SYT16: variants seen among roughly 807,000 people sequenced by gnomAD.
SYT16 encodes the protein synaptotagmin-16.
Under a neutral mutation model 61.4 loss-of-function variants are expected in SYT16, and 42 were observed. The observed-to-expected ratio is 0.68, with a 90% CI of 0.53 to 0.89. The LOEUF (loss-of-function observed/expected upper bound fraction) is 0.89, where lower values mean the gene tolerates loss of function less well. SYT16 is among the 40% of genes least tolerant of loss of function. SYT16 has a pLI of 0.00. For missense variants in SYT16, 804 were observed against 807.3 expected, an observed-to-expected ratio of 1.00 and a Z score of 0.05; for synonymous variants, 314 against 302.3, an observed-to-expected ratio of 1.04 and a Z score of -0.40.
intron 1 of SYT16, among the ~76,000 whole-genome samples, chr14:61,836,298 G>A (rs546902382): frequency 1.4e-4 from 21 of 152,182 alleles, no homozygotes; most frequent in South Asian, 6.2e-4. Context: ...CTTTACTGCC[G>A]GTGGCTGCTC....
At chr14:62,078,837 G>A (rs150735797) in intron 5 of SYT16, among the ~76,000 whole-genome samples, 2 of 152,310 alleles carry the variant, frequency 1.3e-5, no homozygotes, top group African/African-American at 4.8e-5. Context: ...TATATTGTGT[G>A]GGTAGAAGGT....
At chr14:61,979,554 C>G (rs529623809) in intron 2 of SYT16, among the ~76,000 whole-genome samples, 1 of 152,184 alleles carries the variant, frequency 6.6e-6, no homozygotes, top group South Asian at 2.1e-4. Context: ...AAAAAGAGTA[C>G]ATATTCCCCT....
chr14:61,945,651 C>T (rs1355736486), intron 1 of SYT16, among the ~76,000 whole-genome samples: 4 of 151,814 alleles, frequency 2.6e-5, no homozygotes, highest in Admixed American at 6.6e-5. Flanking sequence ...GTCAGGAGAT[C>T]GAGACCATCC....
intron 1 of SYT16, among the ~76,000 whole-genome samples, chr14:61,826,643 C>T (rs1173488449): frequency 2.6e-5 from 4 of 151,940 alleles, no homozygotes; most frequent in Admixed American, 1.3e-4. Context: ...ACGAGGGATG[C>T]GAGGTTTCCA....
chr14:61,854,780 G>T (rs1474119578), intron 1 of SYT16, among the ~76,000 whole-genome samples: 1 of 152,126 alleles, frequency 6.6e-6, no homozygotes, highest in African/African-American at 2.4e-5. Flanking sequence ...ATATGGAGCA[G>T]CAGTTTTTTG....
At chr14:61,850,796 A>T (rs985322172) in intron 1 of SYT16, among the ~76,000 whole-genome samples, 2 of 152,332 alleles carry the variant, frequency 1.3e-5, no homozygotes, top group African/African-American at 4.8e-5. Flanking sequence ...TTTGAGGCCA[A>T]CATTATATTT....
intron 1 of SYT16, among the ~76,000 whole-genome samples, chr14:61,943,711 T>G (rs2140456485): frequency 6.6e-6 from 1 of 152,224 alleles, no homozygotes; most frequent in South Asian, 2.1e-4. Flanking sequence ...CTCGATAAAT[T>G]AGGCATTGAT....
At chr14:61,982,720 G>A (rs1483439993) in intron 2 of SYT16, among the ~76,000 whole-genome samples, 1 of 152,148 alleles carries the variant, frequency 6.6e-6, no homozygotes, top group African/African-American at 2.4e-5. Context: ...TACTTTATGG[G>A]AAGTTTTGAA....
rs554469957 is a variant in SYT16, at chr14:62,108,964, C to T, written c.*8257C>T. On this transcript the variant is annotated 3_prime_UTR_variant, in exon 8 of 8. Transcript: ENST00000683842. Reference sequence around the variant, plus strand: ...ATATACTCCAAACACAACCTTCTTCCCCGTGAACATTTTGAACACCACAGT... The same window carrying T: ...ATATACTCCAAACACAACCTTCTTCTCCGTGAACATTTTGAACACCACAGT... 6.6e-6 allele frequency: 1 copy of T among 152,222 alleles called. No individual in the cohort carries two copies. Among genetic ancestry groups the T allele is most frequent in the African/African-American group, 2.4e-5 (1 of 41,540 alleles). The allele number at this position is 152,222 out of a possible 1,614,324, so 9.4% of individuals were successfully genotyped here. A position where few individuals can be genotyped will look rare whatever the true frequency, so the allele number is the denominator to read the frequency against.
intron 1 of SYT16, among the ~76,000 whole-genome samples, chr14:61,945,122 A>G (rs1433751180): frequency 1.3e-5 from 2 of 152,262 alleles, no homozygotes; most frequent in African/African-American, 4.8e-5. Flanking sequence ...TGGTCAGCAG[A>G]CATATGAAAG....
At chr14:61,919,788 T>C (rs1398350382) in intron 1 of SYT16, among the ~76,000 whole-genome samples, 2 of 152,296 alleles carry the variant, frequency 1.3e-5, no homozygotes, top group African/African-American at 4.8e-5. Flanking sequence ...GATTAGGACA[T>C]AGACATATGA....
chr14:61,895,236 T>G (rs930779412), intron 1 of SYT16, among the ~76,000 whole-genome samples: 3 of 152,190 alleles, frequency 2.0e-5, no homozygotes, highest in Non-Finnish European at 4.4e-5. Context: ...CATCCTTATC[T>G]CTTTTGTTTA....
At chr14:61,992,142 A>C (rs956170004) in intron 2 of SYT16, among the ~76,000 whole-genome samples, 1 of 152,130 alleles carries the variant, frequency 6.6e-6, no homozygotes, top group Non-Finnish European at 1.5e-5. Flanking sequence ...AGGCACATTC[A>C]AAACACTCTG....
At chr14:61,984,322 G>A (rs1212253396) in intron 2 of SYT16, among the ~76,000 whole-genome samples, 1 of 152,054 alleles carries the variant, frequency 6.6e-6, no homozygotes, top group Non-Finnish European at 1.5e-5. Flanking sequence ...ACATTTTAGG[G>A]CAAGAATTCC....
intron 3 of SYT16, among the ~76,000 whole-genome samples, chr14:62,066,764 C>G (rs61339328): frequency 0.075 from 11,356 of 152,242 alleles, 651 homozygotes; most frequent in African/African-American, 0.16. Flanking sequence ...ACAGAGTATT[C>G]TGCTTTGTGC....
chr14:61,831,932 C>T lies in SYT16; in HGVS notation c.-325+19122C>T, dbSNP rs746800476. 5 of 529,132 alleles carry T rather than the reference C, an allele frequency of 9.4e-6. No homozygotes were observed. In the Admixed American group the frequency reaches 1.3e-4, roughly 14 times the overall value. The allele number at this position is 529,132 out of a possible 1,614,324, so 32.8% of individuals were successfully genotyped here. ...GCCCTGCAGGGGTTCACCTCATGTC[C>T]AGCATCCTCTTGGTCTGCATGGGCA... On this transcript the variant is annotated intron_variant, in intron 1 of 7. Transcript: ENST00000683842.
intron 1 of SYT16, among the ~76,000 whole-genome samples, chr14:61,820,759 G>A (rs113358998): frequency 2.0e-5 from 3 of 152,190 alleles, no homozygotes; most frequent in African/African-American, 7.2e-5. Context: ...ATGCCCTCCT[G>A]GCTCTGAAGT....
rs2057489933 is a variant in SYT16, at chr14:62,105,046, CCAGG to C, written c.*4341_*4344del. 1 of 152,144 alleles carries C rather than the reference CCAGG, an allele frequency of 6.6e-6. No homozygotes were observed. The highest frequency in any genetic ancestry group is 1.5e-5 in the Non-Finnish European group (1 of 68,024). The allele number at this position is 152,144 out of a possible 1,614,324, so 9.4% of individuals were successfully genotyped here. Reference sequence around the variant, plus strand: ...CTGTAACAAGGATAGGCTCATGAAGCCAGGCTGGATTCGTAAATAAAGGAGGCTT... The same window carrying C: ...CTGTAACAAGGATAGGCTCATGAAGCCTGGATTCGTAAATAAAGGAGGCTT... On this transcript the variant is annotated 3_prime_UTR_variant, in exon 8 of 8. Transcript: ENST00000683842.
At chr14:62,045,225 T>C (rs2054921601) in intron 3 of SYT16, among the ~76,000 whole-genome samples, 1 of 152,170 alleles carries the variant, frequency 6.6e-6, no homozygotes, top group South Asian at 2.1e-4. Context: ...TAAGTGAGAT[T>C]GATCTACTGT....
Sources: gnomAD v4.1 joint callset for allele counts (sites outside exome capture counted in the v4.1 genomes callset) on GRCh38, gnomAD v4.1.1 for gene constraint, MANE v1.5 for transcripts, NCBI Gene and HGNC (gene_info 2026-07-23, HGNC 2026-07-21) for gene names.